TMEM117: variants seen among roughly 807,000 people sequenced by gnomAD.
The protein encoded by TMEM117 is transmembrane protein 117.
In TMEM117, 27 loss-of-function variants were observed where a neutral mutation model predicts 52.4. The observed-to-expected ratio is 0.51, with a 90% CI of 0.38 to 0.71. The LOEUF (loss-of-function observed/expected upper bound fraction) is 0.71. Among genes scored for constraint, TMEM117 ranks in the 30% least tolerant of loss-of-function variants. The pLI is 0.00. For missense variants in TMEM117, 556 were observed against 630.5 expected, an observed-to-expected ratio of 0.88 and a Z score of 1.26; for synonymous variants, 215 against 206.3, an observed-to-expected ratio of 1.04 and a Z score of -0.36.
intron 2 of TMEM117, among the ~76,000 whole-genome samples, chr12:43,875,295 G>C (rs1381704901): frequency 6.6e-6 from 1 of 151,946 alleles, no homozygotes; most frequent in Non-Finnish European, 1.5e-5. Context: ...TAAGTAGAAA[G>C]GGTTGTGCTA....
intron 5 of TMEM117, among the ~76,000 whole-genome samples, chr12:44,223,442 TTC>T (rs113721859): frequency 0.11 from 15,872 of 149,168 alleles, 925 homozygotes; most frequent in Middle Eastern, 0.2. Context: ...ATACCAGACC[TTC>T]TCCCTTCATG....
intron 1 of TMEM117, among the ~76,000 whole-genome samples, chr12:43,838,818 C>T (rs577505191): frequency 6.6e-6 from 1 of 152,118 alleles, no homozygotes; most frequent in African/African-American, 2.4e-5. Flanking sequence ...ATCATAACCT[C>T]TCTGAATTTC....
At chr12:44,159,089 G>A (rs1188157098) in intron 4 of TMEM117, among the ~76,000 whole-genome samples, 3 of 152,112 alleles carry the variant, frequency 2.0e-5, no homozygotes, top group Non-Finnish European at 4.4e-5. Flanking sequence ...GATGGGGGCG[G>A]CAAATGGAAA....
intron 6 of TMEM117, among the ~76,000 whole-genome samples, chr12:44,342,508 A>T (rs1029581421): frequency 5.3e-5 from 8 of 152,098 alleles, no homozygotes; most frequent in Admixed American, 2.0e-4. Context: ...CAATTACTGA[A>T]CTAATCTAAA....
At chr12:44,196,742 A>G (rs1296400275) in intron 4 of TMEM117, among the ~76,000 whole-genome samples, 2 of 152,222 alleles carry the variant, frequency 1.3e-5, no homozygotes, top group Non-Finnish European at 2.9e-5. Context: ...TCACTGAAAC[A>G]CTCATTCCAT....
chr12:44,354,024 G>A (rs1176627524), intron 6 of TMEM117, among the ~76,000 whole-genome samples: 1 of 152,150 alleles, frequency 6.6e-6, no homozygotes, highest in Non-Finnish European at 1.5e-5. Context: ...TCCCTTGTAA[G>A]TTGGCTTCCT....
chr12:44,283,026 C>T (rs889269631), intron 5 of TMEM117, among the ~76,000 whole-genome samples: 1 of 152,238 alleles, frequency 6.6e-6, no homozygotes, highest in South Asian at 2.1e-4. Flanking sequence ...TTTGGCAGCT[C>T]CCACGTGGTG....
chr12:43,802,379 G>C, the TMEM117 span: 3 of 1,605,332 alleles, frequency 1.9e-6, no homozygotes, highest in Non-Finnish European at 1.7e-6. Flanking sequence ...ATGGTTGTTT[G>C]TCCTCCAACA....
intron 3 of TMEM117, among the ~76,000 whole-genome samples, chr12:44,032,841 C>A (rs1946654248): frequency 6.6e-6 from 1 of 152,124 alleles, no homozygotes; most frequent in Non-Finnish European, 1.5e-5. Flanking sequence ...GAAGAAGTTA[C>A]AGAAGATGGA....
chr12:43,805,136 A>C, the TMEM117 span, among the ~76,000 whole-genome samples: 1 of 152,256 alleles, frequency 6.6e-6, no homozygotes, highest in African/African-American at 2.4e-5. Flanking sequence ...TATGTATTTA[A>C]TAACTAACCC....
chr12:44,282,131 A>C lies in TMEM117; in HGVS notation c.609-17449A>C, dbSNP rs754075155. Among the ~76,000 whole-genome samples the C allele has an allele frequency of 5.9e-5, 9 of 152,208 alleles. No individual in the cohort carries two copies. In the East Asian group the frequency reaches 9.7e-4, roughly 16 times the overall value. ...CATTTTTCTCTTGTTGCCACCATGT[A>C]AGAAGTGCCTTTCGCCTCCCACCAT... On this transcript the variant is annotated intron_variant, in intron 5 of 7. Transcript: ENST00000266534.
intron 5 of TMEM117, among the ~76,000 whole-genome samples, chr12:44,221,952 G>A (rs1455307826): frequency 6.6e-6 from 1 of 152,064 alleles, no homozygotes; most frequent in Non-Finnish European, 1.5e-5. Flanking sequence ...GCCCGCCTTA[G>A]CCTCCCAAAG....
chr12:44,218,081 G>A (rs112547444), intron 5 of TMEM117, among the ~76,000 whole-genome samples: 3 of 152,040 alleles, frequency 2.0e-5, no homozygotes, highest in South Asian at 2.1e-4. Flanking sequence ...AAAATTGGCT[G>A]GACGTGGTGG....
intron 3 of TMEM117, among the ~76,000 whole-genome samples, chr12:44,064,828 C>A (rs1029914847): frequency 6.6e-6 from 1 of 151,970 alleles, no homozygotes; most frequent in African/African-American, 2.4e-5. Flanking sequence ...CTATGATGTA[C>A]AGCAGACTAT....
intron 1 of TMEM117, among the ~76,000 whole-genome samples, chr12:43,837,102 A>G (rs1181587902): frequency 2.0e-5 from 3 of 151,864 alleles, no homozygotes; most frequent in Non-Finnish European, 4.4e-5. Context: ...TTTATCCCCC[A>G]AGTCTTTATA....
the TMEM117 span, among the ~76,000 whole-genome samples, chr12:43,819,168 C>T: frequency 6.6e-6 from 1 of 152,132 alleles, no homozygotes; most frequent in African/African-American, 2.4e-5. Context: ...GATTGTAGAC[C>T]TAAAAATCCA....
At chr12:44,054,493 C>T (rs567267006) in intron 3 of TMEM117, among the ~76,000 whole-genome samples, 7 of 152,076 alleles carry the variant, frequency 4.6e-5, no homozygotes, top group African/African-American at 1.4e-4. Context: ...GAAAGCTGCA[C>T]GGAGAGGTTA....
chr12:44,103,110 C>G (rs1354801320), intron 3 of TMEM117, among the ~76,000 whole-genome samples: 1 of 151,902 alleles, frequency 6.6e-6, no homozygotes, highest in Non-Finnish European at 1.5e-5. Flanking sequence ...TAGACTAATA[C>G]AAAGGAAAAT....
intron 3 of TMEM117, among the ~76,000 whole-genome samples, chr12:43,984,941 C>T (rs1363901457): frequency 6.6e-6 from 1 of 151,924 alleles, no homozygotes; most frequent in Non-Finnish European, 1.5e-5. Flanking sequence ...GGAGCATTTC[C>T]AATAGAAATT....
Sources: gnomAD v4.1 joint callset for allele counts (sites outside exome capture counted in the v4.1 genomes callset) on GRCh38, gnomAD v4.1.1 for gene constraint, MANE v1.5 for transcripts, NCBI Gene and HGNC (gene_info 2026-07-23, HGNC 2026-07-21) for gene names.